HAT1: variants seen among roughly 807,000 people sequenced by gnomAD.
The protein encoded by HAT1 is histone acetyltransferase 1.
Under a neutral mutation model 56.6 loss-of-function variants are expected in HAT1, and 20 were observed. That is an observed-to-expected ratio of 0.35 (90% CI 0.25 to 0.51). HAT1 has a LOEUF of 0.51. Ranked by LOEUF, HAT1 falls within the 20% of genes least tolerant of loss-of-function variation. HAT1 has a pLI of 0.95. For synonymous variants in HAT1, 146 were observed against 165.5 expected (o/e 0.88, Z 0.91); for missense variants, 408 against 504.3 (o/e 0.81, Z 1.83).
intron 4 of HAT1, among the ~76,000 whole-genome samples, chr2:171,961,929 A>G (rs1687585606): frequency 6.6e-6 from 1 of 151,326 alleles, no homozygotes; most frequent in African/African-American, 2.4e-5. Flanking sequence ...TAGTCTTAGA[A>G]TTATAGTTAA....
At position 171,976,795 on chromosome 2, in the gene HAT1, T is replaced by C. The variant is rs1687977768; in HGVS notation, c.975+487T>C. Among the ~76,000 whole-genome samples the C allele has an allele frequency of 2.6e-5, 4 of 152,222 alleles. No homozygotes were observed. The South Asian group carries it at 8.3e-4, about 32-fold the overall frequency. On this transcript the variant is annotated intron_variant, in intron 9 of 10. Coordinates refer to ENST00000264108, the MANE Select transcript of HAT1 (RefSeq NM_003642.4). ...CAGAGAAGAAAGTTTATTACATTTA[T>C]GTAAGCAAGGAAATCAGTGGTTATT... is the stretch of plus-strand genomic sequence containing the variant.
intron 4 of HAT1, among the ~76,000 whole-genome samples, chr2:171,964,540 C>T (rs1687642410): frequency 6.6e-6 from 1 of 152,120 alleles, no homozygotes; most frequent in South Asian, 2.1e-4. Flanking sequence ...TGGTGAGAAG[C>T]AGCAATACTT....
At chr2:171,926,394 A>G (rs966183017) in intron 2 of HAT1, among the ~76,000 whole-genome samples, 1 of 152,148 alleles carries the variant, frequency 6.6e-6, no homozygotes, top group Non-Finnish European at 1.5e-5. Context: ...CCTGGGTTCT[A>G]GTGATTCTCC....
At chr2:171,963,550 T>C (rs561869733) in intron 4 of HAT1, among the ~76,000 whole-genome samples, 12 of 152,336 alleles carry the variant, frequency 7.9e-5, no homozygotes, top group Non-Finnish European at 1.5e-5. Context: ...GTTAAAATTA[T>C]ACATGCTATG....
chr2:171,975,740 TTCTC>T (rs577534166), intron 8 of HAT1, among the ~76,000 whole-genome samples: 2 of 152,152 alleles, frequency 1.3e-5, no homozygotes, highest in Admixed American at 6.5e-5. Context: ...AAATGTTGTT[TTCTC>T]TCTTTTTTTT....
chr2:171,947,740 G>C (rs746403307), intron 3 of HAT1, among the ~76,000 whole-genome samples: 5 of 152,132 alleles, frequency 3.3e-5, no homozygotes, highest in Non-Finnish European at 7.3e-5. Context: ...TTAGCCAGGT[G>C]TAGTGGCACA....
At chr2:171,925,679 T>A in intron 2 of HAT1, 38 bp downstream of exon 2, 3 of 827,934 alleles carry the variant, frequency 3.6e-6, no homozygotes, top group Non-Finnish European at 6.3e-6. Context: ...ATGTACATAC[T>A]GTGTGTGTAT....
At chr2:171,934,587 A>G (rs1387973905) in intron 2 of HAT1, among the ~76,000 whole-genome samples, 1 of 152,170 alleles carries the variant, frequency 6.6e-6, no homozygotes, top group African/African-American at 2.4e-5. Context: ...GGAAATAGTC[A>G]TCTAGGTGAG....
intron 6 of HAT1, 151 bp downstream of exon 6, chr2:171,966,059 G>A (rs1394150363): frequency 1.4e-6 from 1 of 692,798 alleles, no homozygotes; most frequent in South Asian, 1.9e-5. Flanking sequence ...CCTTCATTAT[G>A]CTTTGGGAGA....
intron 8 of HAT1, among the ~76,000 whole-genome samples, chr2:171,970,155 GT>G (rs571189236): frequency 8.9e-4 from 135 of 152,180 alleles, no homozygotes; most frequent in Middle Eastern, 3.4e-3. Flanking sequence ...GCGAGACCCT[GT>G]CTTAAAAAAT....
chr2:171,941,796 A>G lies in HAT1; in HGVS notation c.113-4912A>G, dbSNP rs1051109191. 8.5e-5 allele frequency among the ~76,000 whole-genome samples: 13 copies of G among 152,346 alleles called. 1 individual carries two copies. The highest frequency in any genetic ancestry group is 2.4e-4 in the African/African-American group (10 of 41,584). On this transcript the variant is annotated intron_variant, in intron 2 of 10. Coordinates refer to ENST00000264108, the MANE Select transcript of HAT1 (RefSeq NM_003642.4). ...GCAGCCTGGTTCCTAACAGGCCACA[A>G]ACCGATACATGGTGTTTGGGGGCCC...
intron 2 of HAT1, among the ~76,000 whole-genome samples, chr2:171,940,304 T>A (rs1454279150): frequency 6.6e-6 from 1 of 152,214 alleles, no homozygotes; most frequent in Non-Finnish European, 1.5e-5. Flanking sequence ...GTTGTTGCCT[T>A]GTTGTCAACA....
chr2:171,943,953 G>A (rs1337221191), intron 2 of HAT1, among the ~76,000 whole-genome samples: 1 of 151,906 alleles, frequency 6.6e-6, no homozygotes, highest in African/African-American at 2.4e-5. Context: ...TTGGATACGA[G>A]CCTGGGCAAC....
chr2:171,932,525 C>A (rs1203317527), intron 2 of HAT1, among the ~76,000 whole-genome samples: 2 of 152,074 alleles, frequency 1.3e-5, no homozygotes, highest in East Asian at 3.8e-4. Context: ...TCTATTTTAT[C>A]TAACTTTCTT....
At chr2:171,963,529 AG>A (rs1288568129) in intron 4 of HAT1, among the ~76,000 whole-genome samples, 1 of 152,208 alleles carries the variant, frequency 6.6e-6, no homozygotes, top group Non-Finnish European at 1.5e-5. Flanking sequence ...ACATAAGGAA[AG>A]TTTTTAAAAG....
At chr2:171,981,046 TG>T (rs1171005124) in intron 10 of HAT1, among the ~76,000 whole-genome samples, 1 of 151,844 alleles carries the variant, frequency 6.6e-6, no homozygotes, top group East Asian at 1.9e-4. Flanking sequence ...GGGAGGTGCC[TG>T]TAATCCCAGC....
intron 8 of HAT1, among the ~76,000 whole-genome samples, chr2:171,970,986 G>A (rs934556083): frequency 1.3e-5 from 2 of 152,022 alleles, no homozygotes; most frequent in East Asian, 2.0e-4. Flanking sequence ...AGATCACAAG[G>A]TCAGAAGATC....
rs1224236551 is a variant in HAT1, at chr2:171,948,661, ATTC to A, written c.188+1884_188+1886del. 3.3e-5 allele frequency among the ~76,000 whole-genome samples: 5 copies of A among 152,308 alleles called. No individual in the cohort carries two copies. The East Asian group carries it at 7.7e-4, about 23-fold the overall frequency. ...TTGTATTTCGTTGCCATATCTCTTC[ATTC>A]TTCTTTAATCTGAAACAGATCCTCA... is the stretch of plus-strand genomic sequence containing the variant. On this transcript the variant is annotated intron_variant, in intron 3 of 10. Coordinates refer to ENST00000264108, the MANE Select transcript of HAT1 (RefSeq NM_003642.4).
At position 171,922,681 on chromosome 2, in the gene HAT1, C is replaced by T. The variant is rs554082552; in HGVS notation, c.7+174C>T. 89 of 463,304 alleles carry T rather than the reference C, an allele frequency of 1.9e-4. No homozygotes were observed. The East Asian group carries it at 2.9e-3, about 15-fold the overall frequency. 28.7% of individuals were successfully genotyped at this position (463,304 alleles called of 1,614,324 possible). ...CAGCCCAGCAGCTCCTTGTTGGCGG[C>T]GGTCCGCGCCCCCGCCCCCAACTGC... On this transcript the variant is annotated intron_variant, in intron 1 of 10. Transcript: ENST00000264108.
Sources: gnomAD v4.1 joint callset for allele counts (sites outside exome capture counted in the v4.1 genomes callset) on GRCh38, gnomAD v4.1.1 for gene constraint, MANE v1.5 for transcripts, NCBI Gene and HGNC (gene_info 2026-07-23, HGNC 2026-07-21) for gene names.